TMEM242: variants seen among roughly 807,000 people sequenced by gnomAD.
The protein encoded by TMEM242 is transmembrane protein 242, also known as UPF0463 transmembrane protein C6orf35.
TMEM242 carries 10 observed loss-of-function variants against 18.2 expected under a neutral mutation model. The ratio of observed to expected loss-of-function variants is 0.55; its 90% CI spans 0.34 to 0.93. The LOEUF (loss-of-function observed/expected upper bound fraction) is 0.93. Among genes scored for constraint, TMEM242 ranks in the 40% least tolerant of loss-of-function variants. The probability of loss-of-function intolerance (pLI) is 0.02; values close to 1 mark genes in which losing one functional copy is unlikely to be tolerated. For missense variants in TMEM242, 186 were observed against 175.5 expected (o/e 1.06, Z -0.34); for synonymous variants, 57 against 69.9 (o/e 0.81, Z 0.92).
In TMEM242 at chr6:157,322,784, A is replaced by G; in HGVS notation, c.110T>C (p.Val37Ala). 4 of 1,613,998 alleles carry G rather than the reference A, an allele frequency of 2.5e-6. No individual in the cohort carries two copies. Among genetic ancestry groups the G allele is most frequent in the South Asian group, 1.1e-5 (1 of 91,040 alleles). The change falls in exon 2 of 4, where the codon GTT (valine) becomes GCT (alanine). Residue 37 changes from valine (V) to alanine (A), a missense_variant. Transcript: ENST00000400788. ...TCCAGCTAGCATTCCCGCTGCAGCA[A>G]CGGTACCAAGGAAAATTCCACCTGC... ...LVKGGIFLGT[V>A]AAAGMLAGFI...
intron 3 of TMEM242, among the ~76,000 whole-genome samples, chr6:157,314,515 G>A (rs973113979): frequency 6.6e-6 from 1 of 152,268 alleles, no homozygotes; most frequent in East Asian, 1.9e-4. Context: ...GAAAGTAATC[G>A]ATGAACACAA....
At chr6:157,316,877 T>C (rs897338653) in intron 3 of TMEM242, among the ~76,000 whole-genome samples, 1 of 151,762 alleles carries the variant, frequency 6.6e-6, no homozygotes, top group Non-Finnish European at 1.5e-5. Flanking sequence ...CTCCAAAGAG[T>C]CGAAAATAAA....
rs779706519 is a variant in TMEM242 at position 157,305,157 on chromosome 6, C to T, written c.328-12158G>A. On this transcript the variant is annotated intron_variant, in intron 3 of 3. Coordinates refer to ENST00000400788, the MANE Select transcript of TMEM242 (RefSeq NM_018452.6). The surrounding 1 kb of genome is among the most constrained non-coding windows in gnomAD (Gnocchi z 4.1). ...ATTCTAGAAGGAATAAGGAAGAGGC[C>T]GGGAAACTGGACAGGAAACTCTTAA... Among the ~76,000 whole-genome samples, 5 of 151,910 alleles carry T rather than the reference C, an allele frequency of 3.3e-5. No individual in the cohort carries two copies. The highest frequency in any genetic ancestry group is 7.3e-5 in the African/African-American group (3 of 41,318).
intron 3 of TMEM242, among the ~76,000 whole-genome samples, chr6:157,314,371 C>CACCTAG (rs1778344669): frequency 4.4e-5 from 3 of 67,582 alleles, no homozygotes; most frequent in African/African-American, 1.1e-4. Flanking sequence ...AGCATGCATT[C>CACCTAG]CCATGATCAT....
At chr6:157,304,213 C>A (rs1344908355) in intron 3 of TMEM242, among the ~76,000 whole-genome samples, 3 of 152,036 alleles carry the variant, frequency 2.0e-5, no homozygotes, top group Admixed American at 1.3e-4. Flanking sequence ...CACCTGTGAT[C>A]CAAGCACTTC....
chr6:157,289,881 G>A lies in TMEM242; in HGVS notation c.*3020C>T, dbSNP rs1180482808. ...TGGGCCCATGCCCTGACGCGAGGGT[G>A]GTGGTGGAGATGGCCCACGACCCTC... On this transcript the variant is annotated 3_prime_UTR_variant, in exon 4 of 4. Coordinates refer to ENST00000400788, the MANE Select transcript of TMEM242 (RefSeq NM_018452.6). 6.6e-6 allele frequency: 1 copy of A among 152,244 alleles called. No individual in the cohort carries two copies. Among genetic ancestry groups the A allele is most frequent in the Non-Finnish European group, 1.5e-5 (1 of 68,042 alleles). The allele number at this position is 152,244 out of a possible 1,614,324, so 9.4% of individuals were successfully genotyped here.
At chr6:157,311,257 T>A (rs1222690751) in intron 3 of TMEM242, among the ~76,000 whole-genome samples, 1 of 108,090 alleles carries the variant, frequency 9.3e-6, no homozygotes, top group Non-Finnish European at 1.9e-5. Context: ...TGCGCTCACC[T>A]AGCCTCATCA....
intron 3 of TMEM242, chr6:157,299,915 C>T: frequency 6.2e-7 from 1 of 1,611,738 alleles, no homozygotes; most frequent in Non-Finnish European, 8.5e-7. Flanking sequence ...GCAGGCCATG[C>T]CCACCGATCC....
chr6:157,319,571 G>A (rs188727405), intron 2 of TMEM242, among the ~76,000 whole-genome samples: 1 of 152,296 alleles, frequency 6.6e-6, no homozygotes, highest in Non-Finnish European at 1.5e-5. Flanking sequence ...TGTCCATTCA[G>A]CATCTATTAT....
Position 157,318,907 on chromosome 6 carries a change from T to C in TMEM242, c.202A>G (p.Thr68Ala), listed in dbSNP as rs782796382. The C allele has an allele frequency of 2.5e-6, 4 of 1,603,992 alleles. No individual in the cohort carries two copies. In the Admixed American group the frequency reaches 5.3e-5, roughly 21 times the overall value. ...GACCCGCTTTCCGGTAATGCAGCCGTGGCCATACTTCCCTGAAATGAAACA... is the reference window on the plus strand; with the variant it reads ...GACCCGCTTTCCGGTAATGCAGCCGCGGCCATACTTCCCTGAAATGAAACA... ...PEWFNKGSMA[T>A]AALPESGSSL... The change falls in exon 3 of 4, where the codon ACG becomes GCG. Residue 68 changes from threonine (T) to alanine (A), a missense_variant. Coordinates refer to ENST00000400788, the MANE Select transcript of TMEM242 (RefSeq NM_018452.6).
chr6:157,308,077 T>C (rs1294678652), intron 3 of TMEM242, among the ~76,000 whole-genome samples: 1 of 152,192 alleles, frequency 6.6e-6, no homozygotes, highest in East Asian at 1.9e-4. Flanking sequence ...TAATGTTTGA[T>C]CTAAGCCAAT....
At chr6:157,293,136 G>A in intron 3 of TMEM242, 137 bp from the exon 4 acceptor site, 1 of 601,650 alleles carries the variant, frequency 1.7e-6, no homozygotes, top group Non-Finnish European at 3.0e-6. Context: ...AAAAGATAGG[G>A]ACTATATATA....
intron 3 of TMEM242, chr6:157,299,582 A>C (rs1777799483): frequency 6.4e-7 from 1 of 1,573,306 alleles, no homozygotes; most frequent in Admixed American, 1.7e-5. Context: ...TACATAAGTT[A>C]AGTTATCCAC....
intron 3 of TMEM242, among the ~76,000 whole-genome samples, chr6:157,293,564 A>G (rs1554246981): frequency 6.6e-6 from 1 of 152,238 alleles, no homozygotes. Context: ...TTTTAGACAC[A>G]GAAATGGCAG....
In TMEM242 at chr6:157,292,322, G is replaced by A. The variant is rs1777694655; in HGVS notation, c.*579C>T. 6.6e-6 allele frequency: 1 copy of A among 152,152 alleles called. No homozygotes were observed. The highest frequency in any genetic ancestry group is 2.4e-5 in the African/African-American group (1 of 41,414). The allele number at this position is 152,152 out of a possible 1,614,324, so 9.4% of individuals were successfully genotyped here. A position where few individuals can be genotyped will look rare whatever the true frequency, so the allele number is the denominator to read the frequency against. On this transcript the variant is annotated 3_prime_UTR_variant, in exon 4 of 4. Coordinates refer to ENST00000400788, the MANE Select transcript of TMEM242 (RefSeq NM_018452.6). The stretch of plus-strand genomic sequence containing the variant: ...AAGAATTTATAGGGCCTTCAAGCAA[G>A]GGCATCAGGTAAATAACTAGCATGT...
At chr6:157,313,104 C>G (rs1554249617) in intron 3 of TMEM242, among the ~76,000 whole-genome samples, 1 of 140,748 alleles carries the variant, frequency 7.1e-6, no homozygotes, top group Non-Finnish European at 1.5e-5. Flanking sequence ...ATCAAAGTGT[C>G]CCAGTGTGTG....
At chr6:157,310,288 G>A (rs975695034) in intron 3 of TMEM242, among the ~76,000 whole-genome samples, 3 of 139,680 alleles carry the variant, frequency 2.1e-5, no homozygotes, top group Non-Finnish European at 3.1e-5. Context: ...CTTAGTACAA[G>A]AGTTCCTTAA....
chr6:157,310,584 ACCCGGCCT>A (rs1778000971), intron 3 of TMEM242, among the ~76,000 whole-genome samples: 7 of 147,834 alleles, frequency 4.7e-5, no homozygotes, highest in African/African-American at 1.9e-4. Context: ...GTGTGCGCTC[ACCCGGCCT>A]CATCATAGTG....
chr6:157,310,829 C>T (rs1583563197), intron 3 of TMEM242, among the ~76,000 whole-genome samples: 6 of 151,124 alleles, frequency 4.0e-5, no homozygotes, highest in African/African-American at 7.3e-5. Context: ...CTCACCCGGC[C>T]TCATCATAGT....
Sources: gnomAD v4.1 joint callset for allele counts (sites outside exome capture counted in the v4.1 genomes callset) on GRCh38, gnomAD v4.1.1 for gene constraint, Gnocchi (gnomAD v3.1) non-coding constraint, MANE v1.5 for transcripts, NCBI Gene and HGNC (gene_info 2026-07-23, HGNC 2026-07-21) for gene names.